KIF15: variants seen among roughly 807,000 people sequenced by gnomAD.
KIF15 encodes the protein kinesin-like protein KIF15.
Under a neutral mutation model 190.6 loss-of-function variants are expected in KIF15, and 140 were observed. The ratio of observed to expected loss-of-function variants is 0.73; its 90% CI spans 0.64 to 0.84. KIF15 has a LOEUF of 0.84. Among genes scored for constraint, KIF15 ranks in the 40% least tolerant of loss-of-function variants. The pLI is 0.00. For synonymous variants in KIF15, 528 were observed against 551.3 expected (o/e 0.96, Z 0.59); for missense variants, 1,372 against 1,584.4 (o/e 0.87, Z 2.28).
intron 24 of KIF15, among the ~76,000 whole-genome samples, chr3:44,829,535 G>GTATATATTATATATGTATATAT (rs2125695145): frequency 8.7e-6 from 1 of 114,324 alleles, no homozygotes; most frequent in African/African-American, 3.7e-5. Flanking sequence ...TATATAATAT[G>GTATATATTATATATGTATATAT]TATATATTAT....
At chr3:44,801,636 G>A in intron 12 of KIF15, 110 bp downstream of exon 12, 1 of 946,344 alleles carries the variant, frequency 1.1e-6, no homozygotes, top group Non-Finnish European at 1.6e-6. Context: ...ATAAAGTAAT[G>A]GAAGGCTATG....
At chr3:44,803,971 G>A (rs1276303382) in intron 14 of KIF15, among the ~76,000 whole-genome samples, 2 of 151,898 alleles carry the variant, frequency 1.3e-5, no homozygotes, top group Non-Finnish European at 2.9e-5. Context: ...CCTGCCTCAG[G>A]CTCCCTCCTG....
At chr3:44,794,925 G>A (rs781690333) in intron 8 of KIF15, among the ~76,000 whole-genome samples, 1 of 152,154 alleles carries the variant, frequency 6.6e-6, no homozygotes, top group Non-Finnish European at 1.5e-5. Context: ...TCGCGCCACT[G>A]CACGCCAGTC....
chr3:44,789,963 A>G (rs891908063), intron 7 of KIF15, among the ~76,000 whole-genome samples: 3 of 152,100 alleles, frequency 2.0e-5, no homozygotes, highest in African/African-American at 7.2e-5. Flanking sequence ...AACAACTAAG[A>G]TAATTATTTA....
Position 44,827,488 on chromosome 3 carries a change from G to T in KIF15, c.2816G>T (p.Arg939Leu). Residue 939 changes from arginine (R) to leucine (L), a missense_variant, in exon 23 of 35, where the codon CGT becomes CTT. Coordinates refer to ENST00000326047, the MANE Select transcript of KIF15 (RefSeq NM_020242.3). The part of the protein sequence containing the change: ...KEILKVLEAV[R>L]QEKQKETAKC... ...ATCTTAAAAGTTCTTGAGGCTGTAC[G>T]TCAGGAGAAACAGAAAGAGACGGCC... 1 of 1,612,342 alleles carries T rather than the reference G, an allele frequency of 6.2e-7. No individual in the cohort carries two copies. The highest frequency in any genetic ancestry group is 8.5e-7 in the Non-Finnish European group (1 of 1,178,614).
At chr3:44,806,102 A>G in intron 16 of KIF15, 116 bp downstream of exon 16, 1 of 1,147,044 alleles carries the variant, frequency 8.7e-7, no homozygotes, top group Non-Finnish European at 1.2e-6. Flanking sequence ...GCAGGTAATT[A>G]ACACCGGTGT....
chr3:44,842,136 T>C (rs140289043), intron 29 of KIF15, among the ~76,000 whole-genome samples: 1,603 of 152,354 alleles, frequency 0.011, 19 homozygotes, highest in Middle Eastern at 0.027. Flanking sequence ...GTGAACAATA[T>C]CCATTACCCA....
chr3:44,802,878 G>C lies in KIF15; in HGVS notation c.1574G>C (p.Arg525Thr), dbSNP rs1310627656. The C allele has an allele frequency of 2.5e-6, 4 of 1,612,012 alleles. No homozygotes were observed. In the South Asian group the frequency reaches 4.4e-5, roughly 18 times the overall value. ...MENHSLREEN[R>T]RLRLLEPVKR... ...AATCATTCCCTCAGGGAGGAGAATA[G>C]AAGACTGAGATTATTAGAGCCTGTG... Residue 525 changes from arginine to threonine, a missense_variant, in exon 14 of 35, where the codon AGA becomes ACA. Transcript: ENST00000326047.
chr3:44,866,134 G>A (rs1216648769), intron 6 of KIF15, among the ~76,000 whole-genome samples: 4 of 149,436 alleles, frequency 2.7e-5, no homozygotes, highest in South Asian at 2.1e-4. Context: ...GTGCAGTGGC[G>A]CAATCTCAGC....
chr3:44,843,085 G>A (rs973143099), intron 29 of KIF15, 40 bp from the exon 30 acceptor site: 7 of 1,489,228 alleles, frequency 4.7e-6, no homozygotes, highest in Middle Eastern at 1.7e-4. Context: ...GAAGCCTACT[G>A]TAATGTGTTT....
At chr3:44,848,644 C>A in intron 32 of KIF15, 86 bp downstream of exon 32, 1 of 577,880 alleles carries the variant, frequency 1.7e-6, no homozygotes, top group South Asian at 2.5e-5. Flanking sequence ...AGGTAGGTAA[C>A]TTCTTTCCTT....
chr3:44,833,543 G>A (rs764824364), intron 26 of KIF15, among the ~76,000 whole-genome samples: 1 of 152,040 alleles, frequency 6.6e-6, no homozygotes, highest in African/African-American at 2.4e-5. Flanking sequence ...TTGCAATAGA[G>A]TTAATGCTTC....
intron 30 of KIF15, among the ~76,000 whole-genome samples, chr3:44,843,541 G>T (rs1698710851): frequency 6.6e-6 from 1 of 152,184 alleles, no homozygotes; most frequent in African/African-American, 2.4e-5. Flanking sequence ...TATCGACAAG[G>T]TTCAAGAAGC....
At position 44,782,794 on chromosome 3, in the gene KIF15, C is replaced by T. The variant is rs563027713; in HGVS notation, c.361+1872C>T. On this transcript the variant is annotated intron_variant, in intron 5 of 34. Coordinates refer to ENST00000326047, the MANE Select transcript of KIF15 (RefSeq NM_020242.3). Reference sequence around the variant, plus strand: ...TACAGGCAGAGGAACAGCAGTTGCACAGGCCCTGAGGTGGGTGCACACCCA... The same window carrying T: ...TACAGGCAGAGGAACAGCAGTTGCATAGGCCCTGAGGTGGGTGCACACCCA... Among the ~76,000 whole-genome samples, 3 of 152,272 alleles carry T rather than the reference C, an allele frequency of 2.0e-5. No homozygotes were observed. In the East Asian group the frequency reaches 5.8e-4, roughly 29 times the overall value.
intron 30 of KIF15, among the ~76,000 whole-genome samples, chr3:44,843,555 G>T (rs540324555): frequency 6.6e-6 from 1 of 152,344 alleles, no homozygotes; most frequent in South Asian, 2.1e-4. Flanking sequence ...AAGAAGCCTT[G>T]CAGAGAAAGG....
chr3:44,820,824 A>G (rs1221676913), intron 20 of KIF15, among the ~76,000 whole-genome samples: 219 of 151,994 alleles, frequency 1.4e-3, no homozygotes, highest in African/African-American at 5.0e-3. Flanking sequence ...ACTCCACAAA[A>G]CCGCCATTGT....
intron 1 of KIF15, among the ~76,000 whole-genome samples, chr3:44,764,987 T>C (rs1705319204): frequency 1.3e-5 from 2 of 152,196 alleles, no homozygotes; most frequent in African/African-American, 4.8e-5. Flanking sequence ...GATAAACTTT[T>C]ATACTCTCTT....
intron 6 of KIF15, chr3:44,862,068 G>T: frequency 1.5e-6 from 2 of 1,314,350 alleles, no homozygotes; most frequent in Non-Finnish European, 1.9e-6. Context: ...GCGCCGGCGC[G>T]TTCGGGGCCC....
chr3:44,770,763 C>CAG (rs986073532), intron 1 of KIF15, among the ~76,000 whole-genome samples: 24 of 151,806 alleles, frequency 1.6e-4, no homozygotes, highest in African/African-American at 4.8e-4. Flanking sequence ...AGAAGCCAGG[C>CAG]AGAGAGAGAG....
Sources: gnomAD v4.1 joint callset for allele counts (sites outside exome capture counted in the v4.1 genomes callset) on GRCh38, gnomAD v4.1.1 for gene constraint, MANE v1.5 for transcripts, NCBI Gene and HGNC (gene_info 2026-07-23, HGNC 2026-07-21) for gene names.